Variants in RGL1 observed in about 807,000 individuals in gnomAD.
RGL1 encodes ral guanine nucleotide dissociation stimulator-like 1.
RGL1 carries 24 observed loss-of-function variants against 95.2 expected under a neutral mutation model. That is an observed-to-expected ratio of 0.25 (90% confidence interval 0.18 to 0.35). The LOEUF (loss-of-function observed/expected upper bound fraction) is 0.35, where lower values mean the gene tolerates loss of function less well. Among genes scored for constraint, RGL1 ranks in the 10% least tolerant of loss-of-function variants. The pLI is 1.00. For synonymous variants in RGL1, 329 were observed against 344.9 expected (o/e 0.95, Z 0.51); for missense variants, 715 against 936.3 (o/e 0.76, Z 3.08).
At chr1:183,888,657 G>T (rs1667254317) in intron 8 of RGL1, 80 bp downstream of exon 8, 1 of 835,234 alleles carries the variant, frequency 1.2e-6, no homozygotes, top group Non-Finnish European at 2.0e-6. Context: ...TTCAAAGCTT[G>T]TATCGCATAA....
intron 2 of RGL1, among the ~76,000 whole-genome samples, chr1:183,812,776 G>A (rs1319609358): frequency 6.6e-6 from 1 of 152,192 alleles, no homozygotes; most frequent in Non-Finnish European, 1.5e-5. Context: ...CTGGGGGCCA[G>A]CATTCCAACT....
intron 1 of RGL1, among the ~76,000 whole-genome samples, chr1:183,639,282 C>CAA (rs1306405130): frequency 3.8e-4 from 27 of 70,792 alleles, no homozygotes; most frequent in Non-Finnish European, 5.3e-4. Context: ...CACTTCATCT[C>CAA]AAAAAAAAAA....
intron 1 of RGL1, chr1:183,647,156 C>G (rs564290057): frequency 1.0e-3 from 158 of 152,838 alleles, no homozygotes; most frequent in Non-Finnish European, 1.9e-3. Context: ...AGCTTTTTCC[C>G]ACACAAAACT....
At chr1:183,839,536 T>C (rs1465649643) in intron 2 of RGL1, among the ~76,000 whole-genome samples, 1 of 152,216 alleles carries the variant, frequency 6.6e-6, no homozygotes, top group Non-Finnish European at 1.5e-5. Context: ...ATTGTACTAG[T>C]TAAAGCCCTT....
chr1:183,777,147 T>C (rs1659647038), intron 2 of RGL1, among the ~76,000 whole-genome samples: 1 of 152,228 alleles, frequency 6.6e-6, no homozygotes, highest in South Asian at 2.1e-4. Context: ...GTTTAATTTC[T>C]TTTTGGACTT....
At chr1:183,918,397 C>T (rs1408478452) in intron 16 of RGL1, among the ~76,000 whole-genome samples, 1 of 152,216 alleles carries the variant, frequency 6.6e-6, no homozygotes, top group Non-Finnish European at 1.5e-5. Context: ...CATGTGGTTA[C>T]TGCCTGCTCA....
At chr1:183,742,228 G>T in exon 2 of RGL1, 2 of 1,614,110 alleles carry the variant, frequency 1.2e-6, no homozygotes, top group Non-Finnish European at 1.7e-6. Flanking sequence ...AAGGTAGAAA[G>T]CACGGGACAC....
chr1:183,812,192 TA>T (rs1400908607), intron 2 of RGL1, among the ~76,000 whole-genome samples: 1 of 152,226 alleles, frequency 6.6e-6, no homozygotes, highest in Non-Finnish European at 1.5e-5. Context: ...TCTTTTTACA[TA>T]AAAAATTAGT....
At chr1:183,687,182 T>C (rs1480167968) in intron 1 of RGL1, among the ~76,000 whole-genome samples, 1 of 152,220 alleles carries the variant, frequency 6.6e-6, no homozygotes, top group East Asian at 1.9e-4. Flanking sequence ...TTTAACAATA[T>C]CTGGTATTAT....
intron 2 of RGL1, among the ~76,000 whole-genome samples, chr1:183,745,774 T>A (rs1657587709): frequency 6.6e-6 from 1 of 152,148 alleles, no homozygotes; most frequent in Non-Finnish European, 1.5e-5. Flanking sequence ...TAGGATGAGC[T>A]TGTTCAGTTC....
At chr1:183,779,213 T>C (rs866484165) in intron 2 of RGL1, among the ~76,000 whole-genome samples, 6 of 134,538 alleles carry the variant, frequency 4.5e-5, no homozygotes, top group South Asian at 2.4e-4. Flanking sequence ...CCTTCCTTCC[T>C]TCCTTCCTTC....
chr1:183,923,361 G>T (rs572271988), intron 17 of RGL1, among the ~76,000 whole-genome samples: 65 of 152,322 alleles, frequency 4.3e-4, no homozygotes, highest in African/African-American at 1.5e-3. Flanking sequence ...TTCTTTTTCA[G>T]TTTCCTCTTG....
intron 1 of RGL1, among the ~76,000 whole-genome samples, chr1:183,737,010 A>G (rs1397273036): frequency 6.6e-6 from 1 of 152,194 alleles, no homozygotes; most frequent in Non-Finnish European, 1.5e-5. Context: ...CTCATATGCT[A>G]TTTATTATAA....
At chr1:183,696,387 T>C (rs185168053) in intron 1 of RGL1, among the ~76,000 whole-genome samples, 214 of 152,314 alleles carry the variant, frequency 1.4e-3, no homozygotes, top group African/African-American at 5.0e-3. Context: ...GAATATTTTC[T>C]CAACTTTTTC....
chr1:183,731,044 A>G (rs1656601561), intron 1 of RGL1, among the ~76,000 whole-genome samples: 1 of 152,204 alleles, frequency 6.6e-6, no homozygotes, highest in Non-Finnish European at 1.5e-5. Context: ...TTCAGTACAC[A>G]ATGAAGTTAA....
chr1:183,864,833 T>C (rs976542225), intron 3 of RGL1, among the ~76,000 whole-genome samples: 3 of 152,162 alleles, frequency 2.0e-5, no homozygotes, highest in African/African-American at 4.8e-5. Context: ...GATGGGATGA[T>C]AGGGACACCA....
In RGL1 at chr1:183,928,319, T is replaced by A. The variant is rs1389808433; in HGVS notation, c.*2027T>A. On this transcript the variant is annotated 3_prime_UTR_variant, in exon 18 of 18. Coordinates refer to ENST00000360851, the MANE Select transcript of RGL1 (RefSeq NM_001297671.3). ...AAAATATATATATATTTACCTTTTTTAAAGACAATGGAAATTCCAAGTAGC... is the reference window on the plus strand; with the variant it reads ...AAAATATATATATATTTACCTTTTTAAAAGACAATGGAAATTCCAAGTAGC... The A allele has an allele frequency of 6.6e-6, 1 of 152,618 alleles. No homozygotes were observed. The highest frequency in any genetic ancestry group is 1.5e-5 in the Non-Finnish European group (1 of 68,028). 9.5% of individuals were successfully genotyped at this position (152,618 alleles called of 1,614,324 possible).
chr1:183,682,968 T>C (rs2102084229), intron 1 of RGL1, among the ~76,000 whole-genome samples: 1 of 152,246 alleles, frequency 6.6e-6, no homozygotes, highest in South Asian at 2.1e-4. Context: ...AAAGTCTGTT[T>C]TATCAGAGAC....
chr1:183,821,629 C>G (rs1662499441), intron 2 of RGL1, among the ~76,000 whole-genome samples: 1 of 152,000 alleles, frequency 6.6e-6, no homozygotes, highest in African/African-American at 2.4e-5. Context: ...TAGACCAGAC[C>G]CTGCAGGAAA....
Sources: gnomAD v4.1 joint callset for allele counts (sites outside exome capture counted in the v4.1 genomes callset) on GRCh38, gnomAD v4.1.1 for gene constraint, MANE v1.5 for transcripts, NCBI Gene and HGNC (gene_info 2026-07-23, HGNC 2026-07-21) for gene names.